Variants in NALF1 observed in about 807,000 individuals in gnomAD.
The protein encoded by NALF1 is family with sequence similarity 155 member A.
Under a neutral mutation model 48.4 loss-of-function variants are expected in NALF1, and 3 were observed. The observed-to-expected ratio is 0.06, with a 90% CI of 0.03 to 0.16. The LOEUF is 0.16. Ranked by LOEUF, NALF1 falls within the 10% of genes least tolerant of loss-of-function variation. NALF1 has a pLI of 1.00. For synonymous variants in NALF1, 262 were observed against 245.7 expected, an observed-to-expected ratio of 1.07 and a Z score of -0.62; for missense variants, 526 against 571.5, an observed-to-expected ratio of 0.92 and a Z score of 0.81.
chr13:107,405,069 T>C (rs1883876056), intron 1 of NALF1, among the ~76,000 whole-genome samples: 1 of 152,140 alleles, frequency 6.6e-6, no homozygotes, highest in Non-Finnish European at 1.5e-5. Flanking sequence ...CTGTGCACTT[T>C]ATAATATGTT....
intron 1 of NALF1, among the ~76,000 whole-genome samples, chr13:107,499,667 A>G (rs1875452776): frequency 6.6e-6 from 1 of 152,238 alleles, no homozygotes; most frequent in South Asian, 2.1e-4. Context: ...AGGACATTGT[A>G]AAGAAGGCAA....
In NALF1 at chr13:107,168,116, A is replaced by C. The variant is rs564286533; in HGVS notation, c.*2381T>G. 3.3e-5 allele frequency: 5 copies of C among 152,442 alleles called. No homozygotes were observed. Among genetic ancestry groups the C allele is most frequent in the African/African-American group, 1.2e-4 (5 of 41,550 alleles). 9.4% of individuals were successfully genotyped at this position (152,442 alleles called of 1,614,324 possible). On this transcript the variant is annotated 3_prime_UTR_variant, in exon 3 of 3. Transcript: ENST00000375915. ...TGAGGAACGCTGAAGAGATGGTGAGATGGCACATGGAGTGGCCTTACCACA... is the reference window on the plus strand; with the variant it reads ...TGAGGAACGCTGAAGAGATGGTGAGCTGGCACATGGAGTGGCCTTACCACA...
At chr13:107,216,168 C>T (rs567198239) in intron 1 of NALF1, among the ~76,000 whole-genome samples, 8 of 152,278 alleles carry the variant, frequency 5.3e-5, no homozygotes, top group South Asian at 2.1e-4. Context: ...ACCCCGCTAG[C>T]GGCCTGAGTT....
intron 1 of NALF1, among the ~76,000 whole-genome samples, chr13:107,265,646 T>C (rs1490697870): frequency 6.6e-6 from 1 of 152,092 alleles, no homozygotes; most frequent in East Asian, 1.9e-4. Flanking sequence ...CCTCAGGTGA[T>C]CCACCCGTCT....
At chr13:107,195,084 C>T (rs9301196) in intron 2 of NALF1, among the ~76,000 whole-genome samples, 46,419 of 152,018 alleles carry the variant, frequency 0.31, 8,594 homozygotes, top group Middle Eastern at 0.44. Context: ...TTGGCATAGA[C>T]GTGTTGAACA....
At chr13:107,703,231 T>A (rs1465200544) in intron 1 of NALF1, among the ~76,000 whole-genome samples, 1 of 152,208 alleles carries the variant, frequency 6.6e-6, no homozygotes, top group Non-Finnish European at 1.5e-5. Flanking sequence ...TTAGTTAAAT[T>A]AATAATTACC....
chr13:107,479,812 C>A (rs1474677607), intron 1 of NALF1, among the ~76,000 whole-genome samples: 2 of 152,054 alleles, frequency 1.3e-5, no homozygotes, highest in African/African-American at 4.8e-5. Context: ...GCCTGTATAA[C>A]TTTTTAAAAA....
chr13:107,729,957 A>G (rs1258663949), intron 1 of NALF1, among the ~76,000 whole-genome samples: 1 of 152,224 alleles, frequency 6.6e-6, no homozygotes, highest in African/African-American at 2.4e-5. Flanking sequence ...TTTGCAATGT[A>G]GTAAAAAATA....
chr13:107,206,866 T>A (rs947032287), intron 2 of NALF1, among the ~76,000 whole-genome samples: 1 of 152,204 alleles, frequency 6.6e-6, no homozygotes, highest in African/African-American at 2.4e-5. Flanking sequence ...GAAAAGTAAG[T>A]GAAGAATCCT....
intron 1 of NALF1, among the ~76,000 whole-genome samples, chr13:107,818,735 G>A (rs971823075): frequency 1.2e-4 from 18 of 146,688 alleles, no homozygotes; most frequent in South Asian, 2.2e-4. Flanking sequence ...AGCCGGGCGT[G>A]GTAGCGGGCG....
At chr13:107,384,991 C>T (rs1003619094) in intron 1 of NALF1, among the ~76,000 whole-genome samples, 3 of 152,140 alleles carry the variant, frequency 2.0e-5, no homozygotes, top group African/African-American at 7.2e-5. Context: ...TCTCCATCTA[C>T]AGAAAGTGGG....
intron 1 of NALF1, among the ~76,000 whole-genome samples, chr13:107,572,480 G>C (rs2138402782): frequency 6.6e-6 from 1 of 152,250 alleles, no homozygotes; most frequent in South Asian, 2.1e-4. Context: ...CAAAAAAACT[G>C]TCACAAAAAT....
At chr13:107,404,084 T>C (rs980091092) in intron 1 of NALF1, among the ~76,000 whole-genome samples, 3 of 152,246 alleles carry the variant, frequency 2.0e-5, no homozygotes, top group Admixed American at 1.3e-4. Flanking sequence ...AGTATAAACA[T>C]TGTCATGAGA....
intron 2 of NALF1, among the ~76,000 whole-genome samples, chr13:107,210,044 A>G (rs1162264801): frequency 6.7e-6 from 1 of 148,354 alleles, no homozygotes; most frequent in Non-Finnish European, 1.5e-5. Flanking sequence ...CGTTTAATGG[A>G]TAGACTTGTT....
chr13:107,558,571 T>G (rs1433431296), intron 1 of NALF1, among the ~76,000 whole-genome samples: 1 of 152,224 alleles, frequency 6.6e-6, no homozygotes, highest in African/African-American at 2.4e-5. Context: ...TACTCTCACC[T>G]TTGGTTTAAG....
At chr13:107,708,564 A>G (rs1378344531) in intron 1 of NALF1, among the ~76,000 whole-genome samples, 2 of 129,964 alleles carry the variant, frequency 1.5e-5, no homozygotes. Context: ...CTGTGGTTTA[A>G]AGAAAGTACT....
chr13:107,516,772 G>A (rs958709940), intron 1 of NALF1, among the ~76,000 whole-genome samples: 4 of 152,150 alleles, frequency 2.6e-5, no homozygotes, highest in Non-Finnish European at 5.9e-5. Context: ...CATGAATTCT[G>A]AATGTCTCGT....
chr13:107,312,026 G>T (rs1455601582), intron 1 of NALF1, among the ~76,000 whole-genome samples: 2 of 152,148 alleles, frequency 1.3e-5, no homozygotes, highest in Admixed American at 1.3e-4. Flanking sequence ...ATTCCTCAGG[G>T]ATCTAGAACT....
At chr13:107,835,014 T>C (rs1879848718) in intron 1 of NALF1, among the ~76,000 whole-genome samples, 1 of 152,216 alleles carries the variant, frequency 6.6e-6, no homozygotes, top group Non-Finnish European at 1.5e-5. Context: ...CTGTCACATA[T>C]ACACTAGCAT....
Sources: allele counts gnomAD v4.1 joint callset (sites outside exome capture counted in the v4.1 genomes callset), GRCh38; gene constraint gnomAD v4.1.1; transcripts MANE v1.5; gene names NCBI Gene and HGNC (gene_info 2026-07-23, HGNC 2026-07-21).